Variants in ZNF536 observed in about 807,000 individuals in gnomAD.
ZNF536 encodes the protein zinc finger protein 536.
A neutral mutation model predicts 84.5 loss-of-function variants in ZNF536; 13 were observed. The ratio of observed to expected loss-of-function variants is 0.15; its 90% CI spans 0.10 to 0.24. The LOEUF is 0.24. Ranked by LOEUF, ZNF536 falls within the 10% of genes least tolerant of loss-of-function variation. The pLI, the probability that ZNF536 is intolerant of heterozygous loss-of-function variation, is 1.00. For synonymous variants in ZNF536, 811 were observed against 742.5 expected (o/e 1.09, Z -1.50); for missense variants, 1,536 against 1,747.5 (o/e 0.88, Z 2.16).
In ZNF536 at chr19:30,625,273, CATG is replaced by C. The variant is rs1479593544; in HGVS notation, c.169+75762_169+75764del. ...TGACCTCACCCCCCAATCAGGGAGTCATGATCACTTGACCAACAGAGGCCCAAG... is the reference window on the plus strand; with the variant it reads ...TGACCTCACCCCCCAATCAGGGAGTCATCACTTGACCAACAGAGGCCCAAG... On this transcript the variant is annotated intron_variant, in intron 1 of 1. Transcript: ENST00000592773. Among the ~76,000 whole-genome samples the C allele has an allele frequency of 2.6e-5, 4 of 152,286 alleles. No individual in the cohort carries two copies. The South Asian group carries it at 8.3e-4, about 32-fold the overall frequency.
intron 1 of ZNF536, among the ~76,000 whole-genome samples, chr19:30,612,414 T>C (rs1236412029): frequency 7.2e-5 from 11 of 152,170 alleles, no homozygotes. Context: ...ATCACCTCTT[T>C]ACCAACCAGA....
intron 2 of ZNF536, among the ~76,000 whole-genome samples, chr19:30,335,028 A>G (rs1343534297): frequency 6.6e-6 from 1 of 152,162 alleles, no homozygotes; most frequent in Non-Finnish European, 1.5e-5. Context: ...CAAGACACGG[A>G]CTGTCAGTGG....
chr19:30,668,202 A>C (rs112737571), intron 1 of ZNF536, among the ~76,000 whole-genome samples: 1 of 152,212 alleles, frequency 6.6e-6, no homozygotes. Flanking sequence ...AAATTTTTGC[A>C]AAATTAAGAT....
At chr19:30,301,615 G>A (rs897436278) in intron 2 of ZNF536, among the ~76,000 whole-genome samples, 4 of 152,134 alleles carry the variant, frequency 2.6e-5, no homozygotes, top group Non-Finnish European at 5.9e-5. Context: ...CCTAACTGGT[G>A]GTCCTTAGTA....
chr19:30,275,112 T>C (rs375183520), intron 1 of ZNF536, among the ~76,000 whole-genome samples: 6 of 152,156 alleles, frequency 3.9e-5, no homozygotes, highest in East Asian at 1.9e-4. Flanking sequence ...GGCAAAGACA[T>C]TGGGTGGAGC....
intron 1 of ZNF536, among the ~76,000 whole-genome samples, chr19:30,443,172 T>G (rs2052141494): frequency 6.6e-6 from 1 of 152,132 alleles, no homozygotes; most frequent in African/African-American, 2.4e-5. Context: ...AAAGTCATTC[T>G]GCTCTCAGGC....
At chr19:30,228,093 T>C (rs796532585), upstream of ZNF536, among the ~76,000 whole-genome samples, 1 of 150,920 alleles carries the variant, frequency 6.6e-6, no homozygotes, top group South Asian at 2.1e-4. This position sits in a 1 kb window ranked among gnomAD's most constrained non-coding sequence, Gnocchi z 4.5. Flanking sequence ...GTGGTGAGAC[T>C]GGGAACGCGC....
rs562402269 is a variant in ZNF536, at chr19:30,303,013, C to T, written c.-120+18872C>T. ...TTCCTGACATTGGGAGCTAGAATAT[C>T]AATGTAAGAAAACCTTCATAGACAG... On this transcript the variant is annotated intron_variant, in intron 2 of 5. Coordinates refer to the ZNF536 transcript ENST00000585628. 3.3e-5 allele frequency among the ~76,000 whole-genome samples: 5 copies of T among 152,306 alleles called. No homozygotes were observed. The South Asian group carries it at 1.0e-3, about 32-fold the overall frequency.
At chr19:30,614,776 T>C (rs1006334330) in intron 1 of ZNF536, among the ~76,000 whole-genome samples, 1 of 151,494 alleles carries the variant, frequency 6.6e-6, no homozygotes, top group African/African-American at 2.4e-5. Context: ...GTTGTAAATA[T>C]TTTTCCCGGT....
At chr19:30,297,098 C>T (rs895331495) in intron 2 of ZNF536, among the ~76,000 whole-genome samples, 2 of 152,184 alleles carry the variant, frequency 1.3e-5, no homozygotes, top group East Asian at 3.9e-4. Flanking sequence ...AAACATCTCC[C>T]TCCTCCTCCA....
intron 1 of ZNF536, among the ~76,000 whole-genome samples, chr19:30,578,948 G>A (rs1009460178): frequency 3.9e-5 from 6 of 152,200 alleles, no homozygotes; most frequent in Non-Finnish European, 8.8e-5. Context: ...TCTACTGCTG[G>A]AGGCTGTGAC....
intron 3 of ZNF536, among the ~76,000 whole-genome samples, chr19:30,546,380 A>G (rs187443006): frequency 4.6e-5 from 7 of 152,284 alleles, no homozygotes; most frequent in African/African-American, 1.7e-4. Context: ...TTCCCTTCCT[A>G]GACCTAAGGG....
At chr19:30,375,677 G>A (rs1600451404) in intron 1 of ZNF536, among the ~76,000 whole-genome samples, 1 of 152,250 alleles carries the variant, frequency 6.6e-6, no homozygotes, top group South Asian at 2.1e-4. Flanking sequence ...CCTGGAGATG[G>A]GCGAGTGCAG....
intron 3 of ZNF536, among the ~76,000 whole-genome samples, chr19:30,353,654 C>T (rs1048333025): frequency 2.0e-5 from 3 of 152,066 alleles, no homozygotes; most frequent in South Asian, 2.1e-4. Context: ...AGCATATCGC[C>T]GGCAGGAGCA....
Position 30,344,469 on chromosome 19 carries a change from A to G in ZNF536, c.-119-7899A>G, listed in dbSNP as rs1329728677. On this transcript the variant is annotated intron_variant, in intron 2 of 5. Coordinates refer to the ZNF536 transcript ENST00000585628. ...AAAAAAAAAAAAAAAAAAGACAAGGATGCTGTCACCCATATCTCAGACTCC... is the reference window on the plus strand; with the variant it reads ...AAAAAAAAAAAAAAAAAAGACAAGGGTGCTGTCACCCATATCTCAGACTCC... 2.8e-5 allele frequency among the ~76,000 whole-genome samples: 4 copies of G among 140,726 alleles called. No homozygotes were observed. The Admixed American group carries it at 2.9e-4, about 10-fold the overall frequency. The allele number at this position is 140,726 out of a possible 152,430, so 92.3% of individuals were successfully genotyped here.
At chr19:30,621,984 A>C (rs1345241111) in intron 1 of ZNF536, among the ~76,000 whole-genome samples, 1 of 152,246 alleles carries the variant, frequency 6.6e-6, no homozygotes, top group African/African-American at 2.4e-5. Flanking sequence ...TCAAAACAGA[A>C]GATTAAAAAT....
At chr19:30,613,354 A>G (rs1051497802) in intron 1 of ZNF536, among the ~76,000 whole-genome samples, 1 of 152,208 alleles carries the variant, frequency 6.6e-6, no homozygotes, top group African/African-American at 2.4e-5. Context: ...GCCTGTAACA[A>G]TTATTATGAT....
intron 1 of ZNF536, among the ~76,000 whole-genome samples, chr19:30,386,854 C>A (rs1029268889): frequency 5.9e-5 from 9 of 152,234 alleles, no homozygotes; most frequent in Admixed American, 2.0e-4. Flanking sequence ...CTGCGTTTCA[C>A]AGAACACTTC....
rs187982690 is a variant in ZNF536 at position 30,295,379 on chromosome 19, C to T, written c.-120+11238C>T. Among the ~76,000 whole-genome samples the T allele has an allele frequency of 3.2e-4, 48 of 152,234 alleles. No homozygotes were observed. The South Asian group carries it at 5.6e-3, about 18-fold the overall frequency. Reference sequence around the variant, plus strand: ...TGCTGGCTTGTAGCCAAGGTATGAACGGCTGGGGTAGTGTCGTGGATCTCC... The same window carrying T: ...TGCTGGCTTGTAGCCAAGGTATGAATGGCTGGGGTAGTGTCGTGGATCTCC... On this transcript the variant is annotated intron_variant, in intron 2 of 5. Coordinates refer to the ZNF536 transcript ENST00000585628.
Sources: allele counts gnomAD v4.1 joint callset (sites outside exome capture counted in the v4.1 genomes callset), GRCh38; gene constraint gnomAD v4.1.1; non-coding constraint Gnocchi (gnomAD v3.1); transcripts MANE v1.5; gene names NCBI Gene and HGNC (gene_info 2026-07-23, HGNC 2026-07-21).